ANKIB1: variants seen among roughly 807,000 people sequenced by gnomAD.
The protein encoded by ANKIB1 is ankyrin repeat and IBR domain-containing protein 1.
Under a neutral mutation model 122.1 loss-of-function variants are expected in ANKIB1, and 43 were observed. The ratio of observed to expected loss-of-function variants is 0.35; its 90% confidence interval spans 0.28 to 0.45. ANKIB1 has a LOEUF of 0.45. Among genes scored for constraint, ANKIB1 ranks in the 20% least tolerant of loss-of-function variants. ANKIB1 has a pLI of 1.00. For missense variants in ANKIB1, 992 were observed against 1,329.5 expected, an observed-to-expected ratio of 0.75 and a Z score of 3.95; for synonymous variants, 390 against 442.0, an observed-to-expected ratio of 0.88 and a Z score of 1.48.
intron 9 of ANKIB1, among the ~76,000 whole-genome samples, chr7:92,360,504 A>G (rs1803918233): frequency 6.6e-6 from 1 of 152,136 alleles, no homozygotes; most frequent in African/African-American, 2.4e-5. Flanking sequence ...GTTGATAGAC[A>G]CTTGGGTTGT....
In ANKIB1 at chr7:92,261,348, C is replaced by CAA. The variant is rs765326035; in HGVS notation, c.-91+14846_-91+14847dup. On this transcript the variant is annotated intron_variant, in intron 1 of 19. Coordinates refer to ENST00000265742, the MANE Select transcript of ANKIB1 (RefSeq NM_019004.2). The stretch of plus-strand genomic sequence containing the variant: ...TGGGCGACAGAGCGAGACTCCGTCT[C>CAA]AAAAAAAAAAAAAAAAAAGAAAAGA... Among the ~76,000 whole-genome samples the CAA allele has an allele frequency of 3.9e-4, 25 of 63,724 alleles. 1 individual carries two copies. The highest frequency in any genetic ancestry group is 9.8e-4 in the Admixed American group (6 of 6,142). 41.8% of individuals were successfully genotyped at this position (63,724 alleles called of 152,430 possible). A position where few individuals can be genotyped will look rare whatever the true frequency, so the allele number is the denominator to read the frequency against.
chr7:92,364,008 T>C (rs1804012660), intron 10 of ANKIB1, among the ~76,000 whole-genome samples: 1 of 152,128 alleles, frequency 6.6e-6, no homozygotes, highest in Non-Finnish European at 1.5e-5. Context: ...ATGCACCGTT[T>C]AGTCAACAGA....
At chr7:92,273,103 G>A (rs1167277263) in intron 1 of ANKIB1, among the ~76,000 whole-genome samples, 1 of 152,056 alleles carries the variant, frequency 6.6e-6, no homozygotes, top group African/African-American at 2.4e-5. Context: ...GGTGGCCCCC[G>A]TAAGTGCAAA....
intron 10 of ANKIB1, among the ~76,000 whole-genome samples, chr7:92,369,262 A>C (rs928491273): frequency 6.6e-6 from 1 of 152,196 alleles, no homozygotes; most frequent in African/African-American, 2.4e-5. Flanking sequence ...ACCATCTTCT[A>C]CCAAGTGTGT....
chr7:92,354,824 G>A lies in ANKIB1; in HGVS notation c.1397+2182G>A, dbSNP rs571117920. On this transcript the variant is annotated intron_variant, in intron 9 of 19. Transcript: ENST00000265742. The stretch of plus-strand genomic sequence containing the variant: ...TCAATGAGAAGCAAAATCTGTTCAC[G>A]CAAAAAGACGCTTTACAAGAGAGAT... Among the ~76,000 whole-genome samples the A allele has an allele frequency of 5.3e-5, 8 of 151,882 alleles. No homozygotes were observed. In the South Asian group the frequency reaches 1.5e-3, roughly 28 times the overall value.
intron 1 of ANKIB1, among the ~76,000 whole-genome samples, chr7:92,287,283 T>G (rs551255953): frequency 3.3e-4 from 51 of 152,322 alleles, no homozygotes; most frequent in African/African-American, 1.0e-3. Flanking sequence ...TAGGGCCCTA[T>G]ATGGCATTTA....
At chr7:92,266,962 A>G (rs1562765236) in intron 1 of ANKIB1, among the ~76,000 whole-genome samples, 1 of 152,184 alleles carries the variant, frequency 6.6e-6, no homozygotes, top group Non-Finnish European at 1.5e-5. Context: ...GTAATGGAGG[A>G]TGAATTTTGA....
chr7:92,324,033 G>A (rs1445734227), intron 4 of ANKIB1, among the ~76,000 whole-genome samples: 6 of 152,186 alleles, frequency 3.9e-5, no homozygotes, highest in African/African-American at 7.2e-5. Context: ...AATAAGGAGC[G>A]AGAAAACTAA....
chr7:92,321,846 G>A (rs1390405071), intron 4 of ANKIB1, among the ~76,000 whole-genome samples: 4 of 152,206 alleles, frequency 2.6e-5, no homozygotes, highest in African/African-American at 9.6e-5. Context: ...TTATAGGCAA[G>A]CTTATTCAGA....
At chr7:92,386,402 T>G in intron 11 of ANKIB1, 107 bp from the exon 12 acceptor site, 2 of 1,234,928 alleles carry the variant, frequency 1.6e-6, no homozygotes, top group Non-Finnish European at 2.2e-6. Context: ...TTATTACTGG[T>G]CACACAAGCA....
intron 2 of ANKIB1, among the ~76,000 whole-genome samples, chr7:92,296,297 G>A (rs1802354938): frequency 6.6e-6 from 1 of 151,444 alleles, no homozygotes; most frequent in Non-Finnish European, 1.5e-5. Context: ...ATCATAATTT[G>A]CTGTAACCTC....
At chr7:92,379,926 C>T (rs1222151637) in intron 11 of ANKIB1, among the ~76,000 whole-genome samples, 1 of 152,050 alleles carries the variant, frequency 6.6e-6, no homozygotes, top group Non-Finnish European at 1.5e-5. Context: ...AAGGGCAAGC[C>T]GAAGCAGGGC....
intron 3 of ANKIB1, among the ~76,000 whole-genome samples, chr7:92,310,392 A>C (rs1802667880): frequency 6.6e-6 from 1 of 152,144 alleles, no homozygotes; most frequent in African/African-American, 2.4e-5. Flanking sequence ...TTTTATTCAG[A>C]TAAAGCTTAT....
chr7:92,391,168 A>G lies in ANKIB1; in HGVS notation c.2055A>G (p.Thr685=). ...TTTTTTTTCTCTGCTTACTATAGAC[A>G]GACCTAGAAATGGTCACTGAAGACC... is the stretch of plus-strand genomic sequence containing the variant. ...TKKEIFELMQ[T]DLEMVTEDLA... Residue 685 remains threonine, a splice_region_variant and synonymous_variant, in exon 16 of 20, where the codon ACA becomes ACG. Transcript: ENST00000265742. The G allele has an allele frequency of 6.2e-7, 1 of 1,607,098 alleles. No homozygotes were observed. Among genetic ancestry groups the G allele is most frequent in the Non-Finnish European group, 8.5e-7 (1 of 1,176,414 alleles).
chr7:92,366,330 A>C (rs1804082790), intron 10 of ANKIB1, among the ~76,000 whole-genome samples: 1 of 152,266 alleles, frequency 6.6e-6, no homozygotes, highest in East Asian at 1.9e-4. Flanking sequence ...CCTTGTGTGC[A>C]CTAAGTGATA....
intron 5 of ANKIB1, among the ~76,000 whole-genome samples, chr7:92,338,927 AAAAAAAATATATATATAT>A (rs1414401679): frequency 2.1e-4 from 10 of 47,602 alleles, no homozygotes; most frequent in Non-Finnish European, 3.0e-4. Flanking sequence ...AAAAAAAAAA[AAAAAAAATATATATATAT>A]ATATATATAT....
chr7:92,369,349 T>C (rs1484181349), intron 10 of ANKIB1, among the ~76,000 whole-genome samples: 4 of 152,206 alleles, frequency 2.6e-5, no homozygotes, highest in Non-Finnish European at 5.9e-5. Flanking sequence ...CCAATGCTTT[T>C]ACAGTCCAAC....
chr7:92,355,338 C>T (rs1385081023), intron 9 of ANKIB1, among the ~76,000 whole-genome samples: 1 of 151,858 alleles, frequency 6.6e-6, no homozygotes, highest in Non-Finnish European at 1.5e-5. Flanking sequence ...TCTCTCTTCT[C>T]TGAGACAACT....
chr7:92,389,882 C>A, intron 14 of ANKIB1, 89 bp from the exon 15 acceptor site: 1 of 1,387,282 alleles, frequency 7.2e-7, no homozygotes, highest in Non-Finnish European at 9.7e-7. Context: ...CTTCTTTTTC[C>A]TTTTTTGAGA....
Sources: allele counts gnomAD v4.1 joint callset (sites outside exome capture counted in the v4.1 genomes callset), GRCh38; gene constraint gnomAD v4.1.1; transcripts MANE v1.5; gene names NCBI Gene and HGNC (gene_info 2026-07-23, HGNC 2026-07-21).